Variants in PSEN1 observed in about 807,000 individuals in gnomAD.
The protein encoded by PSEN1 is presenilin-1.
In PSEN1, 15 loss-of-function variants were observed where a neutral mutation model predicts 53.5. That is an observed-to-expected ratio of 0.28 (90% CI 0.19 to 0.43). The LOEUF is 0.43. Ranked by LOEUF, PSEN1 falls within the 20% of genes least tolerant of loss-of-function variation. The pLI is 1.00. For missense variants in PSEN1, 387 were observed against 571.2 expected, an observed-to-expected ratio of 0.68 and a Z score of 3.29; for synonymous variants, 208 against 209.8, an observed-to-expected ratio of 0.99 and a Z score of 0.08.
chr14:73,199,912 AT>A (rs1417258159), intron 8 of PSEN1, among the ~76,000 whole-genome samples: 1 of 151,842 alleles, frequency 6.6e-6, no homozygotes, highest in Non-Finnish European at 1.5e-5. Flanking sequence ...CACCCAGCTA[AT>A]TTTTTGTATT....
intron 1 of PSEN1, among the ~76,000 whole-genome samples, chr14:73,145,504 T>C (rs1897044375): frequency 6.6e-6 from 1 of 150,870 alleles, no homozygotes; most frequent in African/African-American, 2.4e-5. Flanking sequence ...CCCAGCCAAT[T>C]TTTTTTGTAT....
intron 6 of PSEN1, among the ~76,000 whole-genome samples, chr14:73,190,914 C>T (rs1338144852): frequency 3.9e-5 from 6 of 152,184 alleles, no homozygotes; most frequent in African/African-American, 7.2e-5. Flanking sequence ...ATATCTACAT[C>T]GTCCAGAAAT....
At chr14:73,170,772 G>GC in intron 3 of PSEN1, 25 bp from the exon 4 acceptor site, 1 of 1,613,574 alleles carries the variant, frequency 6.2e-7, no homozygotes, top group Non-Finnish European at 8.5e-7. Flanking sequence ...CTGATTTACT[G>GC]AAAATGTTTT....
At position 73,192,634 on chromosome 14, in the gene PSEN1, T is replaced by A; in HGVS notation, c.549-10T>A. 1 of 1,590,626 alleles carries A rather than the reference T, an allele frequency of 6.3e-7. No homozygotes were observed. The highest frequency in any genetic ancestry group is 8.6e-7 in the Non-Finnish European group (1 of 1,158,588). ...GTACATCTTTTAAAATCTGTGTAAT[T>A]TTTTTTCAGGGAAGTGTTTAAAACC... On this transcript the variant is annotated splice_polypyrimidine_tract_variant and intron_variant, in intron 6 of 11. Transcript: ENST00000324501.
intron 3 of PSEN1, among the ~76,000 whole-genome samples, chr14:73,149,401 A>G (rs1897157819): frequency 6.6e-6 from 1 of 152,032 alleles, no homozygotes; most frequent in Admixed American, 6.6e-5. Context: ...CACTACAAAC[A>G]GTCACAAAAG....
intron 6 of PSEN1, among the ~76,000 whole-genome samples, chr14:73,189,138 G>A (rs1164856282): frequency 6.6e-6 from 1 of 152,058 alleles, no homozygotes; most frequent in East Asian, 1.9e-4. Flanking sequence ...TGCTCTGGAG[G>A]GACTAGCAAA....
intron 11 of PSEN1, among the ~76,000 whole-genome samples, chr14:73,217,712 G>A (rs1899970433): frequency 6.6e-6 from 1 of 152,026 alleles, no homozygotes; most frequent in African/African-American, 2.4e-5. Context: ...AGCATCTAGT[G>A]AGAGGAGCTG....
chr14:73,197,842 T>C, intron 7 of PSEN1, 189 bp from the exon 8 acceptor site: 1 of 587,578 alleles, frequency 1.7e-6, no homozygotes, highest in Admixed American at 3.0e-5. Flanking sequence ...TCATTTTATT[T>C]TGTTTATGTT....
chr14:73,191,287 A>G (rs918172121), intron 6 of PSEN1, among the ~76,000 whole-genome samples: 2 of 152,220 alleles, frequency 1.3e-5, no homozygotes, highest in African/African-American at 4.8e-5. Context: ...CTTTGCATAA[A>G]TGGGATCATA....
At chr14:73,151,592 G>T (rs1425253051) in intron 3 of PSEN1, among the ~76,000 whole-genome samples, 1 of 151,966 alleles carries the variant, frequency 6.6e-6, no homozygotes, top group African/African-American at 2.4e-5. Flanking sequence ...ATCTCACGCT[G>T]TCACCAAAGC....
chr14:73,163,333 T>A (rs1449177375), intron 3 of PSEN1, among the ~76,000 whole-genome samples: 1 of 152,124 alleles, frequency 6.6e-6, no homozygotes, highest in Admixed American at 6.5e-5. Context: ...ATCCCAGCAC[T>A]TCGGGAGGCC....
intron 1 of PSEN1, among the ~76,000 whole-genome samples, chr14:73,141,789 C>T (rs760176852): frequency 4.1e-5 from 6 of 144,580 alleles, no homozygotes; most frequent in Non-Finnish European, 7.6e-5. Flanking sequence ...ACATCTTGGC[C>T]GGGTGCCGTG....
chr14:73,154,489 T>C (rs1324166787), intron 3 of PSEN1, among the ~76,000 whole-genome samples: 1 of 151,580 alleles, frequency 6.6e-6, no homozygotes, highest in East Asian at 1.9e-4. Context: ...TGGTCCCAGC[T>C]ACTTGGGAAG....
chr14:73,159,478 T>C (rs1897464017), intron 3 of PSEN1, among the ~76,000 whole-genome samples: 1 of 152,224 alleles, frequency 6.6e-6, no homozygotes, highest in Non-Finnish European at 1.5e-5. Context: ...TTACATTAGG[T>C]CTGTGATCCT....
chr14:73,197,877 C>G, intron 7 of PSEN1, 154 bp from the exon 8 acceptor site: 1 of 614,446 alleles, frequency 1.6e-6, no homozygotes, highest in Non-Finnish European at 2.9e-6. Flanking sequence ...CACCAGTTCA[C>G]CTGCCATTTA....
chr14:73,204,458 C>A (rs1899366128), intron 8 of PSEN1, among the ~76,000 whole-genome samples: 1 of 151,354 alleles, frequency 6.6e-6, no homozygotes, highest in African/African-American at 2.4e-5. Flanking sequence ...TAGCAAACTA[C>A]TGCTTGAAGC....
chr14:73,204,155 C>T (rs1899349963), intron 8 of PSEN1, among the ~76,000 whole-genome samples: 1 of 152,076 alleles, frequency 6.6e-6, no homozygotes, highest in Non-Finnish European at 1.5e-5. Flanking sequence ...TGCACCACCA[C>T]ACCGGGCTAA....
At chr14:73,149,366 G>T (rs1897156712) in intron 3 of PSEN1, among the ~76,000 whole-genome samples, 1 of 151,692 alleles carries the variant, frequency 6.6e-6, no homozygotes, top group African/African-American at 2.4e-5. Flanking sequence ...CATCTGGGCT[G>T]CCTTGTAGGC....
chr14:73,215,547 A>T (rs1311057630), intron 10 of PSEN1, among the ~76,000 whole-genome samples: 4 of 152,030 alleles, frequency 2.6e-5, no homozygotes, highest in African/African-American at 9.7e-5. Flanking sequence ...CACTTAAAAA[A>T]AAAAAGGAAA....
Sources: gnomAD v4.1 joint callset for allele counts (sites outside exome capture counted in the v4.1 genomes callset) on GRCh38, gnomAD v4.1.1 for gene constraint, MANE v1.5 for transcripts, NCBI Gene and HGNC (gene_info 2026-07-23, HGNC 2026-07-21) for gene names.